ADCY10: variants seen among roughly 807,000 people sequenced by gnomAD.
ADCY10 encodes adenylate cyclase type 10.
In ADCY10, 156 loss-of-function variants were observed where a neutral mutation model predicts 183.3. The ratio of observed to expected loss-of-function variants is 0.85; its 90% CI spans 0.75 to 0.97. ADCY10 has a LOEUF of 0.97. Among genes scored for constraint, ADCY10 ranks in the 50% least tolerant of loss-of-function variants. The pLI is 0.00. For synonymous variants in ADCY10, 645 were observed against 670.0 expected (o/e 0.96, Z 0.58); for missense variants, 1,745 against 1,934.3 (o/e 0.90, Z 1.84).
intron 29 of ADCY10, among the ~76,000 whole-genome samples, chr1:167,822,650 T>C (rs1368880659): frequency 1.3e-5 from 2 of 152,148 alleles, no homozygotes; most frequent in Non-Finnish European, 2.9e-5. Context: ...TAGTCCTTCA[T>C]TCTAAAGCGT....
chr1:167,861,286 C>T (rs1266820703), intron 14 of ADCY10, among the ~76,000 whole-genome samples: 1 of 152,178 alleles, frequency 6.6e-6, no homozygotes, highest in Admixed American at 6.5e-5. Flanking sequence ...CCTTTCTAGT[C>T]CTACTGCCAC....
At chr1:167,837,212 T>G (rs1188147037) in intron 22 of ADCY10, 37 bp downstream of exon 22, 1 of 1,529,074 alleles carries the variant, frequency 6.5e-7, no homozygotes, top group Admixed American at 1.7e-5. Context: ...GACAATTATT[T>G]ATGCTCTACT....
intron 8 of ADCY10, among the ~76,000 whole-genome samples, chr1:167,893,343 T>C (rs893382697): frequency 6.6e-6 from 1 of 152,206 alleles, no homozygotes; most frequent in African/African-American, 2.4e-5. Context: ...TGTTGTCATA[T>C]TATAATTATG....
intron 16 of ADCY10, among the ~76,000 whole-genome samples, chr1:167,859,600 A>G (rs1666147778): frequency 6.6e-6 from 1 of 152,196 alleles, no homozygotes; most frequent in South Asian, 2.1e-4. Context: ...AGTAATGTTA[A>G]GGGACTCTTT....
At chr1:167,897,394 G>T (rs2102387046) in intron 6 of ADCY10, among the ~76,000 whole-genome samples, 1 of 151,010 alleles carries the variant, frequency 6.6e-6, no homozygotes, top group Middle Eastern at 3.4e-3. Context: ...TTACTCAGGA[G>T]GCTGTGGTGG....
Position 167,833,605 on chromosome 1 carries a change from C to T in ADCY10, c.3417+365G>A, listed in dbSNP as rs568838221. 2.9e-3 allele frequency among the ~76,000 whole-genome samples: 448 copies of T among 152,116 alleles called. 2 individuals are homozygous for T. Among genetic ancestry groups the T allele is most frequent in the African/African-American group, 0.01 (424 of 41,496 alleles). ...TACTAAAATACAAAAATTAGCTGGG[C>T]GTGGTGGCGCATGCCTGTAATCCCA... On this transcript the variant is annotated intron_variant, in intron 24 of 32. Transcript: ENST00000367851.
At chr1:167,866,869 G>GGTTT (rs1666736417) in intron 14 of ADCY10, among the ~76,000 whole-genome samples, 1 of 152,074 alleles carries the variant, frequency 6.6e-6, no homozygotes, top group Non-Finnish European at 1.5e-5. Flanking sequence ...AACTAGATGG[G>GGTTT]GTTTCCAAAG....
At chr1:167,868,516 A>G (rs203816) in intron 14 of ADCY10, among the ~76,000 whole-genome samples, 8,349 of 152,170 alleles carry the variant, frequency 0.055, 684 homozygotes, top group African/African-American at 0.18. Flanking sequence ...TAAATTTCCA[A>G]AGTTGCAGAC....
intron 21 of ADCY10, among the ~76,000 whole-genome samples, 194 bp from the exon 22 acceptor site, chr1:167,837,512 A>G (rs1386469840): frequency 6.6e-6 from 1 of 152,226 alleles, no homozygotes; most frequent in Non-Finnish European, 1.5e-5. Flanking sequence ...ATCAGAAGTA[A>G]TATATGTCAC....
intron 31 of ADCY10, among the ~76,000 whole-genome samples, chr1:167,813,470 A>G (rs186713192): frequency 6.6e-6 from 1 of 152,286 alleles, no homozygotes. Flanking sequence ...AAAGTTAATT[A>G]CCACCAGGAC....
At chr1:167,873,024 C>T (rs768440782) in intron 13 of ADCY10, among the ~76,000 whole-genome samples, 1 of 151,456 alleles carries the variant, frequency 6.6e-6, no homozygotes, top group Non-Finnish European at 1.5e-5. Context: ...GAGCTGAGAT[C>T]GCGCCACTGC....
chr1:167,893,331 C>T (rs1668727996), intron 8 of ADCY10, among the ~76,000 whole-genome samples: 1 of 152,104 alleles, frequency 6.6e-6, no homozygotes, highest in South Asian at 2.1e-4. Flanking sequence ...CTATTTTATG[C>T]CTGTTGTCAT....
chr1:167,883,395 C>T (rs1265295041), intron 9 of ADCY10, 42 bp downstream of exon 9: 5 of 1,603,840 alleles, frequency 3.1e-6, no homozygotes, highest in Non-Finnish European at 3.4e-6. Context: ...GAATGCTAAC[C>T]TAAAACTATT....
rs116086743 is a variant in ADCY10, at chr1:167,881,193, T to C, written c.1021-584A>G. 2.3e-3 allele frequency among the ~76,000 whole-genome samples: 357 copies of C among 152,326 alleles called. 1 individual carries two copies. The highest frequency in any genetic ancestry group is 8.3e-3 in the African/African-American group (344 of 41,568). ...TTCTTAGGGATAAAGGCTTAGGCTG[T>C]AAGTAGGTTTTCTTATCATAAAGCT... On this transcript the variant is annotated intron_variant, in intron 9 of 32. Coordinates refer to ENST00000367851, the MANE Select transcript of ADCY10 (RefSeq NM_018417.6).
At chr1:167,829,472 C>G in intron 25 of ADCY10, 49 bp from the exon 26 acceptor site, 1 of 1,610,900 alleles carries the variant, frequency 6.2e-7, no homozygotes, top group Non-Finnish European at 8.5e-7. Flanking sequence ...ATCATCATTA[C>G]CATGATTTAG....
At chr1:167,822,958 C>T (rs139943788) in intron 29 of ADCY10, 50 bp downstream of exon 29, 29 of 1,512,814 alleles carry the variant, frequency 1.9e-5, no homozygotes, top group Non-Finnish European at 2.6e-5. Flanking sequence ...ACCACACCAG[C>T]ACAGGTATCA....
chr1:167,899,875 T>G (rs1434514220), intron 5 of ADCY10, among the ~76,000 whole-genome samples: 1 of 152,240 alleles, frequency 6.6e-6, no homozygotes, highest in African/African-American at 2.4e-5. Context: ...TCTCACTACA[T>G]GGTCCTACCA....
rs761462056 is a variant in ADCY10, at chr1:167,893,867, T to C, written c.814A>G (p.Ser272Gly). The change falls in exon 8 of 33, where the codon AGC becomes GGC. Residue 272 changes from serine (S) to glycine (G), a missense_variant. Coordinates refer to ENST00000367851, the MANE Select transcript of ADCY10 (RefSeq NM_018417.6). ...TTTGAAAATACCTGCTTCAAAATGCTTTCCATCACATACTTTTGTAGGGAC... is the reference window on the plus strand; with the variant it reads ...TTTGAAAATACCTGCTTCAAAATGCCTTCCATCACATACTTTTGTAGGGAC... ...EMSLQKYVME[S>G]ILKQIDNKQL... The C allele has an allele frequency of 4.3e-6, 7 of 1,613,112 alleles. No homozygotes were observed. In the Admixed American group the frequency reaches 1.0e-4, roughly 23 times the overall value.
chr1:167,848,414 T>C lies in ADCY10; in HGVS notation c.2384A>G (p.His795Arg). Residue 795 changes from histidine (H) to arginine (R), a missense_variant, in exon 19 of 33, where the codon CAC (histidine) becomes CGC (arginine). Transcript: ENST00000367851. The part of the protein sequence containing the change: ...HSDKESEEVC[H>R]LTSGVRLKNL... ...TTTCAGTCTGACACCACTTGTGAGG[T>C]GACAGACTTCTTCACTTTCCTTATC... is the stretch of plus-strand genomic sequence containing the variant. 1 of 1,614,030 alleles carries C rather than the reference T, an allele frequency of 6.2e-7. No homozygotes were observed. Among genetic ancestry groups the C allele is most frequent in the South Asian group, 1.1e-5 (1 of 91,074 alleles).
Sources: allele counts gnomAD v4.1 joint callset (sites outside exome capture counted in the v4.1 genomes callset), GRCh38; gene constraint gnomAD v4.1.1; transcripts MANE v1.5; gene names NCBI Gene and HGNC (gene_info 2026-07-23, HGNC 2026-07-21).